Variants in SEC14L5 observed in about 807,000 individuals in gnomAD.
SEC14L5 encodes SEC14-like protein 5.
In SEC14L5, 96 loss-of-function variants were observed where a neutral mutation model predicts 84.6. The ratio of observed to expected loss-of-function variants is 1.13; its 90% CI spans 0.96 to 1.34. The LOEUF (loss-of-function observed/expected upper bound fraction) is 1.34. Among genes scored for constraint, SEC14L5 ranks in the 40% most tolerant of loss-of-function variants. SEC14L5 has a pLI of 0.00. For missense variants in SEC14L5, 1,224 were observed against 942.5 expected (o/e 1.30, Z -3.91); for synonymous variants, 546 against 383.4 (o/e 1.42, Z -4.95).
chr16:4,966,738 C>T (rs1955205185), intron 2 of SEC14L5, among the ~76,000 whole-genome samples: 1 of 152,268 alleles, frequency 6.6e-6, no homozygotes, highest in South Asian at 2.1e-4. Context: ...GGCAGTTCGG[C>T]CCCTCAATTT....
At chr16:4,984,687 C>T (rs1955465702) in intron 2 of SEC14L5, among the ~76,000 whole-genome samples, 1 of 152,174 alleles carries the variant, frequency 6.6e-6, no homozygotes, top group South Asian at 2.1e-4. Flanking sequence ...CACATCCTCA[C>T]CAGCACTAGC....
At chr16:4,995,757 G>A (rs1165570441) in intron 6 of SEC14L5, among the ~76,000 whole-genome samples, 2 of 151,862 alleles carry the variant, frequency 1.3e-5, no homozygotes, top group Non-Finnish European at 2.9e-5. Context: ...CTCCTGAGTA[G>A]CTGGGATTAC....
chr16:5,011,678 G>A (rs949700973), intron 15 of SEC14L5, among the ~76,000 whole-genome samples: 1 of 152,154 alleles, frequency 6.6e-6, no homozygotes, highest in African/African-American at 2.4e-5. Flanking sequence ...GAGAGACAGG[G>A]AACTGTAATG....
At position 5,000,746 on chromosome 16, in the gene SEC14L5, G is replaced by A. The variant is rs1215898990; in HGVS notation, c.1059+3G>A. On this transcript the variant is annotated splice_donor_region_variant and intron_variant, in intron 9 of 15. Transcript: ENST00000251170. ...GGGAGGAGGCGCTGCTGCGGCATGT[G>A]AGTCAGGGGCCTCGTTCCTGGACGC... 1.3e-6 allele frequency: 2 copies of A among 1,553,498 alleles called. No homozygotes were observed. Among genetic ancestry groups the A allele is most frequent in the Non-Finnish European group, 1.7e-6 (2 of 1,148,264 alleles).
At position 4,990,686 on chromosome 16, in the gene SEC14L5, C is replaced by G. The variant is rs1596629944; in HGVS notation, c.346-81C>G. The G allele has an allele frequency of 1.9e-5, 27 of 1,402,788 alleles. 1 individual carries two copies. The East Asian group carries it at 6.3e-4, about 33-fold the overall frequency. 86.9% of individuals were successfully genotyped at this position (1,402,788 alleles called of 1,614,324 possible). On this transcript the variant is annotated intron_variant, in intron 4 of 15. Coordinates refer to ENST00000251170, the MANE Select transcript of SEC14L5 (RefSeq NM_014692.2). ...TTTCCACTGCAGGCTCTGCCTGGGC[C>G]CAGGTCAGTGGGAGAGCCCTAGGGG...
In SEC14L5 at chr16:5,000,810, A is replaced by G. The variant is rs370615371; in HGVS notation, c.1060-45A>G. The G allele has an allele frequency of 4.4e-4, 694 of 1,570,786 alleles. 5 individuals are homozygous for G. The highest frequency in any genetic ancestry group is 4.6e-5 in the Non-Finnish European group (53 of 1,156,550). ...GGGCCTGGGAAGGACTGTGTGGGGT[A>G]AAGCAGCGAGGCGGACGTTGAGCAG... On this transcript the variant is annotated intron_variant, in intron 9 of 15. Coordinates refer to ENST00000251170, the MANE Select transcript of SEC14L5 (RefSeq NM_014692.2).
At position 5,008,521 on chromosome 16, in the gene SEC14L5, C is replaced by G. The variant is rs1288037330; in HGVS notation, c.1673C>G (p.Pro558Arg). The G allele has an allele frequency of 6.2e-7, 1 of 1,609,812 alleles. No individual in the cohort carries two copies. The highest frequency in any genetic ancestry group is 1.7e-5 in the Admixed American group (1 of 58,752). ...AGCCTGTACCACACCAAGCAGGCGC[C>G]CAGGCTGGGCGCCCGGGAACCGGGG... ...VFSLYHTKQA[P>R]RLGAREPGTR... Residue 558 changes from proline (P) to arginine (R), a missense_variant, in exon 14 of 16, where the codon CCC becomes CGC. Transcript: ENST00000251170.
intron 3 of SEC14L5, 44 bp from the exon 4 acceptor site, chr16:4,988,105 C>A (rs1404046380): frequency 1.2e-6 from 2 of 1,608,198 alleles, no homozygotes; most frequent in South Asian, 2.2e-5. Flanking sequence ...CTGTGTGCTC[C>A]ACGCCGCCCA....
rs373240353 is a variant in SEC14L5 at position 4,979,703 on chromosome 16, C to T, written c.64-7854C>T. Among the ~76,000 whole-genome samples the T allele has an allele frequency of 7.8e-5, 11 of 140,730 alleles. No homozygotes were observed. The South Asian group carries it at 1.2e-3, about 16-fold the overall frequency. 92.3% of individuals were successfully genotyped at this position (140,730 alleles called of 152,430 possible). A position where few individuals can be genotyped will look rare whatever the true frequency, so the allele number is the denominator to read the frequency against. On this transcript the variant is annotated intron_variant, in intron 2 of 15. Transcript: ENST00000251170. ...ATTGATTGTCCCTGGAGAGCCCTTG[C>T]GCTGGGAGGAGCTGCTTTTCTTGCT...
At position 5,016,729 on chromosome 16, in the gene SEC14L5, A is replaced by T. The variant is rs1473250780; in HGVS notation, c.*1759A>T. ...AGGCTCAGCAATGCAGGGCCAGGAA[A>T]CTTATATCTACGCCAGCCTCAACCC... On this transcript the variant is annotated 3_prime_UTR_variant, in exon 16 of 16. Coordinates refer to ENST00000251170, the MANE Select transcript of SEC14L5 (RefSeq NM_014692.2). 6.6e-6 allele frequency: 1 copy of T among 152,200 alleles called. No homozygotes were observed. The allele number at this position is 152,200 out of a possible 1,614,324, so 9.4% of individuals were successfully genotyped here. A position where few individuals can be genotyped will look rare whatever the true frequency, so the allele number is the denominator to read the frequency against.
intron 11 of SEC14L5, 45 bp downstream of exon 11, chr16:5,003,618 G>GCGCCC: frequency 2.4e-6 from 1 of 414,172 alleles, no homozygotes; most frequent in Non-Finnish European, 4.6e-6. Context: ...GGGGTGGGTG[G>GCGCCC]GATGGGAGGG....
At chr16:4,990,618 C>T in intron 4 of SEC14L5, 149 bp from the exon 5 acceptor site, 1 of 645,924 alleles carries the variant, frequency 1.5e-6, no homozygotes, top group South Asian at 3.2e-5. Context: ...GTGGGGGCCC[C>T]TTGGTCCTGC....
chr16:4,988,137 C>A lies in SEC14L5; in HGVS notation c.214-12C>A, dbSNP rs765351593. 2 of 1,613,524 alleles carry A rather than the reference C, an allele frequency of 1.2e-6. No homozygotes were observed. The highest frequency in any genetic ancestry group is 1.3e-5 in the African/African-American group (1 of 74,910). On this transcript the variant is annotated splice_polypyrimidine_tract_variant and intron_variant, in intron 3 of 15. Coordinates refer to ENST00000251170, the MANE Select transcript of SEC14L5 (RefSeq NM_014692.2). ...CCCACCCACCTCCGCCTCCCCGCCC[C>A]TTCCCTTGCAGATCGCAGGTGTTGA...
At position 4,996,830 on chromosome 16, in the gene SEC14L5, G is replaced by C. The variant is rs536571618; in HGVS notation, c.781-25G>C. ...CTGGGTCAGGGGATACCGTTCTGTG[G>C]GCTTTTTACTTCTTTGTCTCTCAGA... On this transcript the variant is annotated intron_variant, in intron 7 of 15. Coordinates refer to ENST00000251170, the MANE Select transcript of SEC14L5 (RefSeq NM_014692.2). 3 of 1,591,492 alleles carry C rather than the reference G, an allele frequency of 1.9e-6. No individual in the cohort carries two copies. In the South Asian group the frequency reaches 3.4e-5, roughly 18 times the overall value.
Position 4,996,376 on chromosome 16 carries a change from G to A in SEC14L5, c.696G>A (p.Glu232=). ...ACAAGCTGGATGCGGACTACATTGA[G>A]AGGTGCCTGGGCCACCTCACGCCCA... The part of the protein sequence containing the change: ...DGDKLDADYI[E]RCLGHLTPMQ... Residue 232 remains glutamate (E), a synonymous_variant, in exon 7 of 16, where the codon GAG becomes GAA. Coordinates refer to ENST00000251170, the MANE Select transcript of SEC14L5 (RefSeq NM_014692.2). 1 of 1,564,256 alleles carries A rather than the reference G, an allele frequency of 6.4e-7. No homozygotes were observed. The highest frequency in any genetic ancestry group is 8.7e-7 in the Non-Finnish European group (1 of 1,155,010).
At position 4,959,316 on chromosome 16, in the gene SEC14L5, G is replaced by T; in HGVS notation, c.-8G>T. ...CCTGGTGACCTCCATTGGTGCTCCA[G>T]CGTGAACATGGTGCAAAGATACCAG... On this transcript the variant is annotated 5_prime_UTR_variant, in exon 2 of 16. Transcript: ENST00000251170. 6.2e-7 allele frequency: 1 copy of T among 1,612,766 alleles called. No individual in the cohort carries two copies. Among genetic ancestry groups the T allele is most frequent in the Non-Finnish European group, 8.5e-7 (1 of 1,178,798 alleles).
chr16:4,989,164 T>A (rs1955525916), intron 4 of SEC14L5, among the ~76,000 whole-genome samples: 1 of 152,254 alleles, frequency 6.6e-6, no homozygotes, highest in African/African-American at 2.4e-5. Flanking sequence ...GGGACCCAGC[T>A]CTGCCACTTT....
intron 2 of SEC14L5, among the ~76,000 whole-genome samples, chr16:4,965,660 CAAAAAAAAAAA>C (rs34483309): frequency 6.0e-4 from 32 of 53,112 alleles, no homozygotes; most frequent in African/African-American, 2.8e-3. Context: ...GACTCCATCT[CAAAAAAAAAAA>C]AAAAAAAAAA....
intron 3 of SEC14L5, 66 bp from the exon 4 acceptor site, chr16:4,988,083 C>T (rs1376680350): frequency 5.7e-5 from 90 of 1,572,210 alleles, no homozygotes; most frequent in Non-Finnish European, 7.5e-5. Flanking sequence ...CCGCCGGACT[C>T]GCTCTCCATT....
Sources: allele counts gnomAD v4.1 joint callset (sites outside exome capture counted in the v4.1 genomes callset), GRCh38; gene constraint gnomAD v4.1.1; transcripts MANE v1.5; gene names NCBI Gene and HGNC (gene_info 2026-07-23, HGNC 2026-07-21).